Variants in POPDC2 observed in about 807,000 individuals in gnomAD.
The protein encoded by POPDC2 is popeye domain-containing protein 2.
POPDC2 carries 24 observed loss-of-function variants against 30.5 expected under a neutral mutation model. That is an observed-to-expected ratio of 0.79 (90% CI 0.57 to 1.11). POPDC2 has a LOEUF of 1.11. Ranked by LOEUF, POPDC2 falls within the 50% of genes least tolerant of loss-of-function variation. The probability of loss-of-function intolerance (pLI) is 0.00; values close to 1 mark genes in which losing one functional copy is unlikely to be tolerated. For synonymous variants in POPDC2, 185 were observed against 183.3 expected (o/e 1.01, Z -0.07); for missense variants, 409 against 447.0 (o/e 0.91, Z 0.77).
At chr3:119,653,450 C>T (rs2052839625) in intron 2 of POPDC2, among the ~76,000 whole-genome samples, 1 of 151,604 alleles carries the variant, frequency 6.6e-6, no homozygotes, top group Admixed American at 6.6e-5. Context: ...GGGACACCAG[C>T]TGCCCAGTGG....
At chr3:119,643,433 G>A (rs1288322436) in intron 3 of POPDC2, 9 of 1,532,950 alleles carry the variant, frequency 5.9e-6, no homozygotes, top group African/African-American at 4.1e-5. Flanking sequence ...GGAAATAAGA[G>A]GGAAAATCAT....
chr3:119,658,396 G>T lies in POPDC2; in HGVS notation c.491+1537C>A, dbSNP rs540752514. 7.1e-4 allele frequency among the ~76,000 whole-genome samples: 108 copies of T among 152,316 alleles called. 3 individuals carry two copies. The South Asian group carries it at 0.022, about 30-fold the overall frequency. On this transcript the variant is annotated intron_variant, in intron 1 of 3. Coordinates refer to ENST00000493094, the MANE Select transcript of POPDC2 (RefSeq NM_001369919.2). The stretch of plus-strand genomic sequence containing the variant: ...GCAAGCCCCCCTCTCCCCTTCACTG[G>T]GAAGTGATCTTATACAAGTTCACAG...
chr3:119,652,359 T>C (rs374265207), intron 2 of POPDC2, among the ~76,000 whole-genome samples: 3 of 152,232 alleles, frequency 2.0e-5, no homozygotes, highest in South Asian at 2.1e-4. Flanking sequence ...ACAAAGACTA[T>C]GTAATTGCAA....
chr3:119,655,959 C>A (rs2052874665), intron 1 of POPDC2, among the ~76,000 whole-genome samples: 2 of 152,136 alleles, frequency 1.3e-5, no homozygotes. Context: ...GCTGATGGTC[C>A]TAGAGTGAAC....
rs370171905 is a variant in POPDC2 at position 119,648,644 on chromosome 3, A to C, written c.625T>G (p.Cys209Gly). Residue 209 changes from cysteine (C) to glycine (G), a missense_variant, in exon 3 of 4, where the codon TGT becomes GGT. Coordinates refer to ENST00000493094, the MANE Select transcript of POPDC2 (RefSeq NM_001369919.2). ...TTCCGGGGCCAGGAAATGTAGCTACATGAGGTCTCAGCAGTCAGAGTGACC... is the reference window on the plus strand; with the variant it reads ...TTCCGGGGCCAGGAAATGTAGCTACCTGAGGTCTCAGCAGTCAGAGTGACC... ...FQVTLTAETS[C>G]SYISWPRKSL... is the part of the protein sequence containing the mutation. 16 of 1,613,786 alleles carry C rather than the reference A, an allele frequency of 9.9e-6. No individual in the cohort carries two copies. Among genetic ancestry groups the C allele is most frequent in the Non-Finnish European group, 1.3e-5 (15 of 1,179,866 alleles).
Position 119,646,316 on chromosome 3 carries a change from A to C in POPDC2, c.*43+1803T>G, listed in dbSNP as rs78036760. ...GAAGAGGGAGAAATGAACTGAGAAG[A>C]CATAGAAAATGGACACTTAAGAGCA... On this transcript the variant is annotated intron_variant, in intron 3 of 3. Coordinates refer to ENST00000493094, the MANE Select transcript of POPDC2 (RefSeq NM_001369919.2). Among the ~76,000 whole-genome samples, 992 of 152,236 alleles carry C rather than the reference A, an allele frequency of 6.5e-3. 5 individuals carry two copies. Among genetic ancestry groups the C allele is most frequent in the African/African-American group, 0.022 (929 of 41,526 alleles).
At chr3:119,653,871 C>A (rs542250289) in intron 2 of POPDC2, among the ~76,000 whole-genome samples, 2 of 152,286 alleles carry the variant, frequency 1.3e-5, no homozygotes, top group African/African-American at 4.8e-5. Context: ...CTTCAGAGTT[C>A]ACTGTGCAGA....
intron 1 of POPDC2, among the ~76,000 whole-genome samples, chr3:119,655,275 C>T (rs556836365): frequency 1.3e-5 from 2 of 151,578 alleles, no homozygotes; most frequent in Admixed American, 6.6e-5. Flanking sequence ...TGCAGTGAGC[C>T]GAGATCACAC....
rs183778787 is a variant in POPDC2, at chr3:119,649,452, C to T, written c.601-784G>A. Among the ~76,000 whole-genome samples the T allele has an allele frequency of 5.8e-3, 881 of 152,240 alleles. 8 individuals carry two copies. Among genetic ancestry groups the T allele is most frequent in the Non-Finnish European group, 5.8e-3 (397 of 68,022 alleles). On this transcript the variant is annotated intron_variant, in intron 2 of 3. Transcript: ENST00000493094. ...GCAATAACGTGTGCCTAGCATGCAGCAGGTGTTTGATAAATCCTTGTTAAA... is the reference window on the plus strand; with the variant it reads ...GCAATAACGTGTGCCTAGCATGCAGTAGGTGTTTGATAAATCCTTGTTAAA...
intron 3 of POPDC2, among the ~76,000 whole-genome samples, chr3:119,645,434 C>A (rs1187702257): frequency 6.6e-6 from 1 of 152,020 alleles, no homozygotes; most frequent in Non-Finnish European, 1.5e-5. Context: ...CGGTGGCGGG[C>A]GCCTATAGTC....
rs902478548 is a variant in POPDC2, at chr3:119,648,408, C to G, written c.861G>C (p.Glu287Asp). 6.2e-7 allele frequency: 1 copy of G among 1,614,146 alleles called. No individual in the cohort carries two copies. The highest frequency in any genetic ancestry group is 8.5e-7 in the Non-Finnish European group (1 of 1,180,032). Residue 287 changes from glutamate (E) to aspartate (D), a missense_variant, in exon 3 of 4, where the codon GAG (glutamate) becomes GAC (aspartate). Coordinates refer to ENST00000493094, the MANE Select transcript of POPDC2 (RefSeq NM_001369919.2). ...DAGPESEKGD[E>D]EVCEPAVSPP... The stretch of plus-strand genomic sequence containing the variant: ...GGGACACAGCTGGCTCACAGACTTC[C>G]TCATCACCCTTCTCGGACTCTGGTC...
At chr3:119,660,599 T>A (rs2052932269), upstream of POPDC2, 1 of 650,368 alleles carries the variant, frequency 1.5e-6, no homozygotes, top group Non-Finnish European at 2.6e-6. Flanking sequence ...TGGAACATAG[T>A]ACACTTCATG....
At chr3:119,650,900 C>T (rs533634628) in intron 2 of POPDC2, among the ~76,000 whole-genome samples, 48 of 152,336 alleles carry the variant, frequency 3.2e-4, no homozygotes, top group African/African-American at 9.4e-4. Flanking sequence ...CCTAGTCCCC[C>T]GAAAGCAGCT....
At position 119,654,518 on chromosome 3, in the gene POPDC2, T is replaced by G; in HGVS notation, c.587A>C (p.Glu196Ala). The change falls in exon 2 of 4, where the codon GAG becomes GCG. Residue 196 changes from glutamate (E) to alanine (A), a missense_variant. Glu to Ala is a moderately radical substitution (Grantham distance 107). Transcript: ENST00000493094. The part of the protein sequence containing the change: ...PEWESLQPSE[E>A]GVFQVTLTAE... ...GCTCCCTGTTACCTGGAACACCCCC[T>G]CCTCAGAAGGCTGTAGTGATTCCCA... is the stretch of plus-strand genomic sequence containing the variant. 1 of 1,612,400 alleles carries G rather than the reference T, an allele frequency of 6.2e-7. No homozygotes were observed.
intron 1 of POPDC2, 46 bp downstream of exon 1, chr3:119,659,887 T>C (rs1204244462): frequency 6.5e-7 from 1 of 1,528,296 alleles, no homozygotes; most frequent in Admixed American, 2.0e-5. Context: ...AAATGAGAAG[T>C]GTGGGCTGGG....
Position 119,648,675 on chromosome 3 carries a change from G to C in POPDC2, c.601-7C>G, listed in dbSNP as rs374134100. The stretch of plus-strand genomic sequence containing the variant: ...TCTCAGCAGTCAGAGTGACCTGAGA[G>C]GGGTCAGAAGCAGACAATAAAAGTT... On this transcript the variant is annotated splice_region_variant and splice_polypyrimidine_tract_variant and intron_variant, in intron 2 of 3. Transcript: ENST00000493094. The C allele has an allele frequency of 6.2e-7, 1 of 1,606,474 alleles. No homozygotes were observed.
chr3:119,653,457 G>A (rs1470730710), intron 2 of POPDC2, among the ~76,000 whole-genome samples: 1 of 151,974 alleles, frequency 6.6e-6, no homozygotes, highest in Admixed American at 6.5e-5. Flanking sequence ...CAGCTGCCCA[G>A]TGGCAAACCA....
intron 3 of POPDC2, among the ~76,000 whole-genome samples, chr3:119,645,728 C>T (rs2052738744): frequency 6.6e-6 from 1 of 152,094 alleles, no homozygotes; most frequent in African/African-American, 2.4e-5. Flanking sequence ...CCCAAGGTGC[C>T]AGAGAAATTG....
At chr3:119,655,321 T>C (rs2107821919) in intron 1 of POPDC2, among the ~76,000 whole-genome samples, 1 of 152,282 alleles carries the variant, frequency 6.6e-6, no homozygotes, top group Middle Eastern at 3.4e-3. Context: ...AGCAAGATTC[T>C]GTCTCAAAAA....
Sources: allele counts gnomAD v4.1 joint callset (sites outside exome capture counted in the v4.1 genomes callset), GRCh38; gene constraint gnomAD v4.1.1; transcripts MANE v1.5; gene names NCBI Gene and HGNC (gene_info 2026-07-23, HGNC 2026-07-21).